The following DOK5 variants were observed in gnomAD, a reference collection of about 807,000 sequenced individuals.
The protein encoded by DOK5 is docking protein 5, also known as downstream of tyrosine kinase 5.
DOK5 carries 27 observed loss-of-function variants against 43.3 expected under a neutral mutation model. That is an observed-to-expected ratio of 0.62 (90% CI 0.46 to 0.86). The LOEUF is 0.86. Ranked by LOEUF, DOK5 falls within the 40% of genes least tolerant of loss-of-function variation. The pLI, the probability that DOK5 is intolerant of heterozygous loss-of-function variation, is 0.00. For missense variants in DOK5, 373 were observed against 392.9 expected (o/e 0.95, Z 0.43); for synonymous variants, 146 against 140.1 (o/e 1.04, Z -0.30).
chr20:54,614,172 G>A (rs1159793274), intron 6 of DOK5, among the ~76,000 whole-genome samples: 2 of 152,028 alleles, frequency 1.3e-5, no homozygotes, highest in Admixed American at 6.6e-5. Flanking sequence ...AAACTTGATT[G>A]CTGAATCAAA....
At chr20:54,560,017 A>G (rs1437101803) in intron 2 of DOK5, among the ~76,000 whole-genome samples, 8 of 152,158 alleles carry the variant, frequency 5.3e-5, no homozygotes, top group Non-Finnish European at 7.4e-5. Context: ...CCTAAGCTCA[A>G]TGTCAGACCT....
At chr20:54,505,589 A>G (rs988658786) in intron 1 of DOK5, among the ~76,000 whole-genome samples, 1 of 152,096 alleles carries the variant, frequency 6.6e-6, no homozygotes, top group Non-Finnish European at 1.5e-5. Flanking sequence ...AACCCCCAAA[A>G]TGTAAAATAT....
At position 54,513,641 on chromosome 20, in the gene DOK5, A is replaced by C. The variant is rs376078583; in HGVS notation, c.66+37629A>C. 3.6e-3 allele frequency among the ~76,000 whole-genome samples: 550 copies of C among 152,272 alleles called. 2 individuals carry two copies. Among genetic ancestry groups the C allele is most frequent in the Non-Finnish European group, 6.2e-3 (421 of 68,020 alleles). On this transcript the variant is annotated intron_variant, in intron 1 of 7. Transcript: ENST00000262593. ...AGACTGTCAAAGGAAGATTTTTAAAACGTGAGATTATTAAAGTTGAAGAAG... is the reference window on the plus strand; with the variant it reads ...AGACTGTCAAAGGAAGATTTTTAAACCGTGAGATTATTAAAGTTGAAGAAG...
intron 7 of DOK5, among the ~76,000 whole-genome samples, 194 bp from the exon 8 acceptor site, chr20:54,650,221 A>G (rs1244637395): frequency 6.6e-6 from 1 of 152,244 alleles, no homozygotes; most frequent in East Asian, 1.9e-4. Flanking sequence ...GCTCAGCCCA[A>G]AGGCCACATG....
At chr20:54,543,541 C>CTGTG (rs74179284) in intron 1 of DOK5, among the ~76,000 whole-genome samples, 18,274 of 143,406 alleles carry the variant, frequency 0.13, 1,146 homozygotes, top group African/African-American at 0.18. Flanking sequence ...CCTAGAATTG[C>CTGTG]TGTGTGTGTG....
chr20:54,508,508 G>T (rs892567040), intron 1 of DOK5, among the ~76,000 whole-genome samples: 5 of 151,404 alleles, frequency 3.3e-5, no homozygotes, highest in African/African-American at 1.2e-4. Context: ...TGGTGAGGGA[G>T]TGTTGAGAAC....
intron 1 of DOK5, among the ~76,000 whole-genome samples, chr20:54,534,146 C>A (rs191925709): frequency 3.6e-4 from 55 of 152,240 alleles, no homozygotes; most frequent in African/African-American, 1.2e-3. Flanking sequence ...GCTCAGGGTG[C>A]AAAGCAGGGC....
At chr20:54,603,155 G>A (rs1986349748) in intron 5 of DOK5, among the ~76,000 whole-genome samples, 1 of 152,222 alleles carries the variant, frequency 6.6e-6, no homozygotes, top group Non-Finnish European at 1.5e-5. Flanking sequence ...GTGAATGATG[G>A]ATGTCGCCAG....
chr20:54,584,684 G>GTA (rs146018028), intron 2 of DOK5, among the ~76,000 whole-genome samples: 30 of 148,996 alleles, frequency 2.0e-4, no homozygotes, highest in African/African-American at 6.2e-4. Context: ...GTATGTGTGT[G>GTA]TATATATATA....
chr20:54,487,545 AC>A (rs1213312262), intron 1 of DOK5, among the ~76,000 whole-genome samples: 1 of 152,198 alleles, frequency 6.6e-6, no homozygotes, highest in Non-Finnish European at 1.5e-5. Flanking sequence ...TGGTACACAG[AC>A]GCAGTGCAAA....
intron 1 of DOK5, among the ~76,000 whole-genome samples, chr20:54,515,326 T>TTTTTTCAG (rs1983162383): frequency 6.6e-6 from 1 of 152,182 alleles, no homozygotes; most frequent in Admixed American, 6.5e-5. Context: ...TATGACTGAT[T>TTTTTTCAG]TTATAACTGA....
At chr20:54,513,128 G>A (rs1213860687) in intron 1 of DOK5, among the ~76,000 whole-genome samples, 1 of 152,154 alleles carries the variant, frequency 6.6e-6, no homozygotes, top group Non-Finnish European at 1.5e-5. Flanking sequence ...GGCAGAATAT[G>A]TTGGCAACTT....
intron 1 of DOK5, among the ~76,000 whole-genome samples, chr20:54,545,017 C>A (rs1423145596): frequency 2.6e-5 from 4 of 152,104 alleles, no homozygotes; most frequent in African/African-American, 9.7e-5. Flanking sequence ...TTTACAAAGG[C>A]CATTTAGTTC....
At chr20:54,504,809 T>C (rs968828018) in intron 1 of DOK5, among the ~76,000 whole-genome samples, 1 of 152,192 alleles carries the variant, frequency 6.6e-6, no homozygotes, top group African/African-American at 2.4e-5. Flanking sequence ...ATCAAAGGCT[T>C]GTTGGCTTTT....
At chr20:54,500,624 C>T (rs898412500) in intron 1 of DOK5, among the ~76,000 whole-genome samples, 26 of 146,396 alleles carry the variant, frequency 1.8e-4, no homozygotes, top group African/African-American at 6.5e-4. Context: ...TATAGTGGCA[C>T]GATCTCGGCT....
intron 6 of DOK5, among the ~76,000 whole-genome samples, chr20:54,633,473 G>T (rs746639515): frequency 6.6e-6 from 1 of 152,128 alleles, no homozygotes; most frequent in Non-Finnish European, 1.5e-5. Flanking sequence ...CTTTGCCCAT[G>T]TTTTGTGCTT....
intron 2 of DOK5, among the ~76,000 whole-genome samples, chr20:54,563,664 G>GTTTTTTTTTTTTTTTTTTTTTT (rs76886127): frequency 8.7e-6 from 1 of 114,354 alleles, no homozygotes; most frequent in Non-Finnish European, 1.8e-5. Flanking sequence ...TATTTGTCAG[G>GTTTTTTTTTTTTTTTTTTTTTT]TTTTTTTTTT....
intron 2 of DOK5, among the ~76,000 whole-genome samples, chr20:54,573,947 T>C (rs1332508182): frequency 6.6e-6 from 1 of 152,168 alleles, no homozygotes; most frequent in Admixed American, 6.5e-5. Flanking sequence ...ACACATGCAG[T>C]TGGAATATAT....
At chr20:54,522,918 T>G (rs959655208) in intron 1 of DOK5, among the ~76,000 whole-genome samples, 5 of 152,224 alleles carry the variant, frequency 3.3e-5, no homozygotes, top group African/African-American at 1.2e-4. Flanking sequence ...GCCTCTGTCC[T>G]GAAAACAAAT....
Sources: gnomAD v4.1 joint callset for allele counts (sites outside exome capture counted in the v4.1 genomes callset) on GRCh38, gnomAD v4.1.1 for gene constraint, MANE v1.5 for transcripts, NCBI Gene and HGNC (gene_info 2026-07-23, HGNC 2026-07-21) for gene names.